The following CNOT2 variants were observed in gnomAD, a reference collection of about 807,000 sequenced individuals.
CNOT2 encodes CC chemokine receptor 4-negative regulator of transcription 2.
CNOT2 carries 7 observed loss-of-function variants against 72.1 expected under a neutral mutation model. That is an observed-to-expected ratio of 0.10 (90% CI 0.06 to 0.18). CNOT2 has a LOEUF of 0.18. Ranked by LOEUF, CNOT2 falls within the 10% of genes least tolerant of loss-of-function variation. CNOT2 has a pLI of 1.00. For missense variants in CNOT2, 345 were observed against 660.3 expected (o/e 0.52, Z 5.23); for synonymous variants, 196 against 225.6 (o/e 0.87, Z 1.17).
chr12:70,339,260 G>A (rs1006606033), intron 11 of CNOT2, among the ~76,000 whole-genome samples: 1 of 151,636 alleles, frequency 6.6e-6, no homozygotes, highest in African/African-American at 2.4e-5. Flanking sequence ...ATCTGAGCTC[G>A]CATGCTTTCC....
intron 3 of CNOT2, among the ~76,000 whole-genome samples, chr12:70,318,371 T>G (rs1407828792): frequency 6.6e-6 from 1 of 151,942 alleles, no homozygotes; most frequent in African/African-American, 2.4e-5. Context: ...TACAAATCTT[T>G]ATTTTTTTTA....
chr12:70,302,232 T>G (rs569186770), intron 2 of CNOT2, among the ~76,000 whole-genome samples: 1 of 152,018 alleles, frequency 6.6e-6, no homozygotes, highest in African/African-American at 2.4e-5. Flanking sequence ...CTGCTCTGAT[T>G]TTAGTTATTT....
At chr12:70,243,858 C>T (rs1957712443) in intron 1 of CNOT2, 1 of 152,170 alleles carries the variant, frequency 6.6e-6, no homozygotes, top group Non-Finnish European at 1.5e-5. Context: ...CCCGCCAGCG[C>T]GGAGGAGCCG....
At position 70,353,894 on chromosome 12, in the gene CNOT2, C is replaced by T. The variant is rs770440589; in HGVS notation, c.1602C>T (p.Asn534=). ...RPHLPSTFNY[N]PAQQAF ...ACCTGCCATCCACCTTCAACTACAA[C>T]CCTGCTCAGCAAGCCTTCTAAAAAA... The change falls in exon 16 of 16, where the codon AAC becomes AAT. Residue 534 remains asparagine, a synonymous_variant. Transcript: ENST00000229195. 2.4e-5 allele frequency: 39 copies of T among 1,596,478 alleles called. No homozygotes were observed. Among genetic ancestry groups the T allele is most frequent in the Non-Finnish European group, 6.0e-6 (7 of 1,174,456 alleles).
At chr12:70,297,291 T>C (rs1456020105) in intron 2 of CNOT2, among the ~76,000 whole-genome samples, 1 of 152,214 alleles carries the variant, frequency 6.6e-6, no homozygotes, top group African/African-American at 2.4e-5. Flanking sequence ...TCTCAGGTAC[T>C]GTATATCTTG....
chr12:70,344,045 A>AT lies in CNOT2; in HGVS notation c.1291-77dup, dbSNP rs1450580880. 7 of 822,882 alleles carry AT rather than the reference A, an allele frequency of 8.5e-6. No individual in the cohort carries two copies. In the East Asian group the frequency reaches 1.6e-4, roughly 18 times the overall value. The allele number at this position is 822,882 out of a possible 1,614,324, so 51.0% of individuals were successfully genotyped here. A position where few individuals can be genotyped will look rare whatever the true frequency, so the allele number is the denominator to read the frequency against. ...GTGGGGAGTTTCTGTTTATCTCTCC[A>AT]TTTTTTCTTTAGTAGTAGCAACTAT... On this transcript the variant is annotated intron_variant, in intron 13 of 15. Transcript: ENST00000229195.
intron 11 of CNOT2, 152 bp downstream of exon 11, chr12:70,338,974 A>C: frequency 1.5e-6 from 1 of 648,222 alleles, no homozygotes; most frequent in Non-Finnish European, 2.6e-6. Context: ...CTCTTAGATC[A>C]CTGTCACTCT....
intron 1 of CNOT2, among the ~76,000 whole-genome samples, chr12:70,270,492 G>A (rs1959191933): frequency 6.6e-6 from 1 of 151,862 alleles, no homozygotes; most frequent in Admixed American, 6.6e-5. Flanking sequence ...TTTGATTCTA[G>A]GTTTACTCTA....
chr12:70,264,838 TTAAAA>T (rs1218150831), intron 1 of CNOT2, among the ~76,000 whole-genome samples: 1 of 152,200 alleles, frequency 6.6e-6, no homozygotes, highest in Non-Finnish European at 1.5e-5. Context: ...AGTAGATTAT[TTAAAA>T]TAAAATAGTT....
At chr12:70,309,444 A>C (rs891793343) in intron 2 of CNOT2, among the ~76,000 whole-genome samples, 6 of 152,160 alleles carry the variant, frequency 3.9e-5, no homozygotes, top group Admixed American at 2.0e-4. Context: ...GGAACTTAAA[A>C]TATATAAGAA....
At chr12:70,301,301 T>G (rs1873923639) in intron 2 of CNOT2, among the ~76,000 whole-genome samples, 1 of 152,184 alleles carries the variant, frequency 6.6e-6, no homozygotes, top group Non-Finnish European at 1.5e-5. Context: ...CTTGTGCCAG[T>G]TTTCAAAGGG....
intron 8 of CNOT2, 192 bp downstream of exon 8, chr12:70,335,755 A>C (rs1880596223): frequency 2.5e-6 from 1 of 402,818 alleles, no homozygotes; most frequent in Non-Finnish European, 4.4e-6. Context: ...CCATGATAGC[A>C]AAGTTAAATG....
At chr12:70,256,219 G>C (rs1958430833) in intron 1 of CNOT2, among the ~76,000 whole-genome samples, 1 of 152,096 alleles carries the variant, frequency 6.6e-6, no homozygotes, top group African/African-American at 2.4e-5. Flanking sequence ...ACAAGGCAAA[G>C]ATATATTTTT....
intron 1 of CNOT2, among the ~76,000 whole-genome samples, chr12:70,263,312 T>G (rs532093396): frequency 6.6e-6 from 1 of 152,300 alleles, no homozygotes; most frequent in East Asian, 1.9e-4. Flanking sequence ...TCTCCTTTCT[T>G]CTTACTCCCA....
intron 1 of CNOT2, chr12:70,243,989 G>A (rs1957729713): frequency 6.6e-6 from 1 of 152,288 alleles, no homozygotes; most frequent in Admixed American, 6.5e-5. Context: ...GCTGTCTGTG[G>A]CTTCTTACCT....
Position 70,311,034 on chromosome 12 carries a change from T to C in CNOT2, c.171+17T>C. ...GAAAAAGATGTAAGTTAATCAATTA[T>C]GTTGTATTTTTTCAGCAATGTAAGT... On this transcript the variant is annotated intron_variant, in intron 3 of 15. Coordinates refer to ENST00000229195, the MANE Select transcript of CNOT2 (RefSeq NM_014515.7). 2 of 1,575,568 alleles carry C rather than the reference T, an allele frequency of 1.3e-6. No individual in the cohort carries two copies. Among genetic ancestry groups the C allele is most frequent in the Non-Finnish European group, 1.7e-6 (2 of 1,148,646 alleles).
intron 2 of CNOT2, among the ~76,000 whole-genome samples, chr12:70,305,404 A>T (rs1226649610): frequency 6.6e-6 from 1 of 152,156 alleles, no homozygotes; most frequent in Non-Finnish European, 1.5e-5. Context: ...TCCTTCTGCG[A>T]CACGTGGGGA....
chr12:70,294,113 C>T lies in CNOT2; in HGVS notation c.48+15839C>T. On this transcript the variant is annotated intron_variant, in intron 2 of 15. Coordinates refer to ENST00000229195, the MANE Select transcript of CNOT2 (RefSeq NM_014515.7). ...GTTTATCATGTTCTGGTTGGACTTT[C>T]TTACTGTTTGCTGGAGTTGAACTTC... The T allele has an allele frequency of 2.3e-6, 3 of 1,288,324 alleles. No homozygotes were observed. In the South Asian group the frequency reaches 3.7e-5, roughly 16 times the overall value. The allele number at this position is 1,288,324 out of a possible 1,614,324, so 79.8% of individuals were successfully genotyped here. A position where few individuals can be genotyped will look rare whatever the true frequency, so the allele number is the denominator to read the frequency against.
At chr12:70,243,614 G>T (rs1957680776) in intron 1 of CNOT2, 134 bp downstream of exon 1, 2 of 151,758 alleles carry the variant, frequency 1.3e-5, no homozygotes, top group South Asian at 2.1e-4. Context: ...GTAGCGTCCC[G>T]GCCCACCGCT....
Sources: allele counts gnomAD v4.1 joint callset (sites outside exome capture counted in the v4.1 genomes callset), GRCh38; gene constraint gnomAD v4.1.1; transcripts MANE v1.5; gene names NCBI Gene and HGNC (gene_info 2026-07-23, HGNC 2026-07-21).